The following ZNF385B variants were observed in gnomAD, a reference collection of about 807,000 sequenced individuals.
ZNF385B encodes zinc finger protein 385B, also known as zinc finger protein 533.
ZNF385B carries 23 observed loss-of-function variants against 39.2 expected under a neutral mutation model. That is an observed-to-expected ratio of 0.59 (90% CI 0.42 to 0.83). The LOEUF is 0.83. ZNF385B is among the 40% of genes least tolerant of loss of function. ZNF385B has a pLI of 0.00. For missense variants in ZNF385B, 552 were observed against 598.9 expected, an observed-to-expected ratio of 0.92 and a Z score of 0.82; for synonymous variants, 205 against 222.6, an observed-to-expected ratio of 0.92 and a Z score of 0.70.
chr2:179,606,503 T>C (rs1160664692), intron 3 of ZNF385B, among the ~76,000 whole-genome samples: 1 of 152,134 alleles, frequency 6.6e-6, no homozygotes, highest in African/African-American at 2.4e-5. Flanking sequence ...CTAAGGAAAA[T>C]ATTTTTTCCT....
At chr2:179,573,339 A>G (rs574700381) in intron 3 of ZNF385B, among the ~76,000 whole-genome samples, 4 of 152,294 alleles carry the variant, frequency 2.6e-5, no homozygotes, top group African/African-American at 9.6e-5. Context: ...CTAGACTTGG[A>G]TGAAAGGAAT....
intron 6 of ZNF385B, among the ~76,000 whole-genome samples, chr2:179,472,568 G>C (rs1409918854): frequency 1.3e-5 from 2 of 152,152 alleles, no homozygotes; most frequent in African/African-American, 4.8e-5. Flanking sequence ...ATATTCAAAG[G>C]AAACAAGCAT....
chr2:179,715,717 T>C (rs1381236108), intron 3 of ZNF385B, among the ~76,000 whole-genome samples: 1 of 152,098 alleles, frequency 6.6e-6, no homozygotes, highest in Non-Finnish European at 1.5e-5. Context: ...TATTTACCCA[T>C]TATAAAATAA....
intron 3 of ZNF385B, among the ~76,000 whole-genome samples, chr2:179,717,524 G>A (rs1045613232): frequency 5.9e-5 from 9 of 152,116 alleles, no homozygotes; most frequent in South Asian, 2.1e-4. Context: ...CTTGAGCCCC[G>A]GAGTTTGAGA....
intron 6 of ZNF385B, among the ~76,000 whole-genome samples, chr2:179,456,336 T>G (rs1461685815): frequency 2.6e-5 from 4 of 152,222 alleles, no homozygotes; most frequent in Non-Finnish European, 5.9e-5. Context: ...GATCATGGCT[T>G]CCCTGTGCCT....
At chr2:179,732,396 T>G (rs1437220374) in intron 3 of ZNF385B, among the ~76,000 whole-genome samples, 1 of 152,218 alleles carries the variant, frequency 6.6e-6, no homozygotes, top group Admixed American at 6.5e-5. Flanking sequence ...AAAGGGTATG[T>G]ATGACTTGGT....
chr2:179,637,510 T>A (rs1232354258), intron 3 of ZNF385B, among the ~76,000 whole-genome samples: 4 of 143,202 alleles, frequency 2.8e-5, no homozygotes, highest in Admixed American at 2.8e-4. Flanking sequence ...AAAAAAAAAG[T>A]CTTTAATTTA....
chr2:179,845,221 A>G (rs1201696079), intron 1 of ZNF385B, among the ~76,000 whole-genome samples: 1 of 152,208 alleles, frequency 6.6e-6, no homozygotes, highest in Non-Finnish European at 1.5e-5. Flanking sequence ...GGTTTACTTA[A>G]ATATTCAGCC....
In ZNF385B at chr2:179,559,626, A is replaced by G. The variant is rs114507103; in HGVS notation, c.299-14657T>C. The stretch of plus-strand genomic sequence containing the variant: ...ACATAGTCATCAAAATTTTTACTTT[A>G]CAACTTGACTGTCGGGTTTTTTTTA... On this transcript the variant is annotated intron_variant, in intron 3 of 9. Coordinates refer to ENST00000410066, the MANE Select transcript of ZNF385B (RefSeq NM_152520.6). 1.5e-3 allele frequency among the ~76,000 whole-genome samples: 226 copies of G among 150,766 alleles called. 1 individual carries two copies. Among genetic ancestry groups the G allele is most frequent in the African/African-American group, 5.3e-3 (219 of 40,964 alleles).
chr2:179,592,281 TG>T (rs1687629852), intron 3 of ZNF385B, among the ~76,000 whole-genome samples: 1 of 151,974 alleles, frequency 6.6e-6, no homozygotes, highest in Admixed American at 6.5e-5. Flanking sequence ...AAAGTCTATT[TG>T]GAAAAAAAAA....
chr2:179,794,300 T>C (rs762574968), intron 1 of ZNF385B, among the ~76,000 whole-genome samples: 2 of 152,222 alleles, frequency 1.3e-5, no homozygotes, highest in Non-Finnish European at 2.9e-5. Flanking sequence ...AGATAATATT[T>C]ATTATTTATG....
chr2:179,611,718 T>C (rs571623551), intron 3 of ZNF385B, among the ~76,000 whole-genome samples: 4 of 152,338 alleles, frequency 2.6e-5, no homozygotes, highest in African/African-American at 9.6e-5. Flanking sequence ...GTTATTGGTC[T>C]GTTCAGGTTT....
At chr2:179,707,796 G>T (rs950208292) in intron 3 of ZNF385B, among the ~76,000 whole-genome samples, 3 of 152,210 alleles carry the variant, frequency 2.0e-5, no homozygotes, top group African/African-American at 7.2e-5. Flanking sequence ...GGCAACAAAT[G>T]TGTTATGACC....
At chr2:179,683,338 C>T (rs561790436) in intron 3 of ZNF385B, among the ~76,000 whole-genome samples, 10 of 151,682 alleles carry the variant, frequency 6.6e-5, no homozygotes, top group Non-Finnish European at 1.0e-4. Context: ...TTCAGTGAGT[C>T]GAGATCATGG....
intron 6 of ZNF385B, among the ~76,000 whole-genome samples, chr2:179,474,233 G>GT (rs1329178550): frequency 6.6e-6 from 1 of 152,146 alleles, no homozygotes; most frequent in South Asian, 2.1e-4. Context: ...AGCAGTAAGT[G>GT]TAAGTTCACA....
chr2:179,710,852 C>T lies in ZNF385B; in HGVS notation c.298+58651G>A, dbSNP rs112065519. 8.2e-3 allele frequency among the ~76,000 whole-genome samples: 1,245 copies of T among 152,320 alleles called. 18 individuals carry two copies. Among genetic ancestry groups the T allele is most frequent in the African/African-American group, 0.029 (1,185 of 41,552 alleles). ...CACTCTCTTCCATCACAGGCCTGCT[C>T]CAAGCACCTCACCTGAGTACCTGGA... On this transcript the variant is annotated intron_variant, in intron 3 of 9. Transcript: ENST00000410066.
At chr2:179,768,459 G>C (rs1195133691) in intron 3 of ZNF385B, among the ~76,000 whole-genome samples, 1 of 152,114 alleles carries the variant, frequency 6.6e-6, no homozygotes, top group East Asian at 1.9e-4. Context: ...TGAGTAAAAA[G>C]TAGTTAGATT....
chr2:179,455,416 A>G (rs1280264064), intron 6 of ZNF385B, among the ~76,000 whole-genome samples: 1 of 151,946 alleles, frequency 6.6e-6, no homozygotes, highest in Non-Finnish European at 1.5e-5. Flanking sequence ...ATTGTGAGTG[A>G]GTTCTCATGA....
chr2:179,653,348 C>A (rs777646473), intron 3 of ZNF385B, among the ~76,000 whole-genome samples: 4 of 152,174 alleles, frequency 2.6e-5, no homozygotes, highest in Non-Finnish European at 5.9e-5. Flanking sequence ...TCCTTCTGTG[C>A]CTGCATTCTG....
Sources: gnomAD v4.1 joint callset for allele counts (sites outside exome capture counted in the v4.1 genomes callset) on GRCh38, gnomAD v4.1.1 for gene constraint, MANE v1.5 for transcripts, NCBI Gene and HGNC (gene_info 2026-07-23, HGNC 2026-07-21) for gene names.